ZMYND11: variants seen among roughly 807,000 people sequenced by gnomAD.
The protein encoded by ZMYND11 is zinc finger MYND-type containing 11.
ZMYND11 carries 9 observed loss-of-function variants against 84.9 expected under a neutral mutation model. The ratio of observed to expected loss-of-function variants is 0.11; its 90% confidence interval spans 0.06 to 0.18. ZMYND11 has a LOEUF of 0.18. Ranked by LOEUF, ZMYND11 falls within the 10% of genes least tolerant of loss-of-function variation. The pLI, the probability that ZMYND11 is intolerant of heterozygous loss-of-function variation, is 1.00. For missense variants in ZMYND11, 409 were observed against 761.0 expected (o/e 0.54, Z 5.44); for synonymous variants, 250 against 244.1 (o/e 1.02, Z -0.23).
intron 3 of ZMYND11, among the ~76,000 whole-genome samples, chr10:216,304 G>A (rs1946186518): frequency 6.6e-6 from 1 of 152,116 alleles, no homozygotes; most frequent in Admixed American, 6.6e-5. Flanking sequence ...TATATATATG[G>A]CATATTACAG....
intron 2 of ZMYND11, among the ~76,000 whole-genome samples, chr10:196,635 TAAG>T: frequency 6.6e-6 from 1 of 152,328 alleles, no homozygotes; most frequent in South Asian, 2.1e-4. Context: ...ACTAATATAC[TAAG>T]AAGCATTGTA....
At chr10:130,823 T>C (rs913632453), upstream of ZMYND11, among the ~76,000 whole-genome samples, 1 of 152,204 alleles carries the variant, frequency 6.6e-6, no homozygotes, top group Non-Finnish European at 1.5e-5. Flanking sequence ...CATCATGCTA[T>C]AGAAGAGAGT....
chr10:157,235 TGTCGCCCAGGCTGGAA>T (rs1841922051), intron 1 of ZMYND11, among the ~76,000 whole-genome samples: 2 of 152,240 alleles, frequency 1.3e-5, no homozygotes, highest in Admixed American at 1.3e-4. Flanking sequence ...AGTCTCGCTC[TGTCGCCCAGGCTGGAA>T]TGCAGTGGTG....
chr10:250,914 T>C (rs1953333855), intron 14 of ZMYND11, among the ~76,000 whole-genome samples: 1 of 152,066 alleles, frequency 6.6e-6, no homozygotes. Flanking sequence ...CCCCAGCTAC[T>C]TGAGAGGCTC....
intron 1 of ZMYND11, among the ~76,000 whole-genome samples, chr10:151,461 A>G (rs564312254): frequency 8.5e-5 from 13 of 152,364 alleles, no homozygotes; most frequent in African/African-American, 2.9e-4. Context: ...AAGAAAGGGT[A>G]TCAGTGATGG....
intron 1 of ZMYND11, among the ~76,000 whole-genome samples, chr10:151,013 G>A (rs978065892): frequency 1.1e-4 from 17 of 152,266 alleles, no homozygotes; most frequent in Non-Finnish European, 2.1e-4. Context: ...GGTCCTGACC[G>A]TTAGAAGGAA....
chr10:240,360 T>C (rs1950667017), intron 8 of ZMYND11, among the ~76,000 whole-genome samples: 1 of 151,926 alleles, frequency 6.6e-6, no homozygotes, highest in Non-Finnish European at 1.5e-5. Flanking sequence ...AAAAATTAGC[T>C]GGGTGTGGTG....
chr10:207,878 G>A (rs1243727644), intron 2 of ZMYND11, among the ~76,000 whole-genome samples: 9 of 152,264 alleles, frequency 5.9e-5, no homozygotes, highest in South Asian at 2.1e-4. Context: ...GAGGCATCAC[G>A]CTACCTGACT....
At chr10:231,193 T>A (rs1948968843) in intron 4 of ZMYND11, among the ~76,000 whole-genome samples, 1 of 152,216 alleles carries the variant, frequency 6.6e-6, no homozygotes, top group African/African-American at 2.4e-5. Context: ...TCGCAAAGCC[T>A]AAAATATTTG....
chr10:229,297 C>T (rs946703382), intron 4 of ZMYND11, among the ~76,000 whole-genome samples: 9 of 152,174 alleles, frequency 5.9e-5, no homozygotes, highest in Admixed American at 2.6e-4. Flanking sequence ...ACTGGAGTCT[C>T]ATTTGCCAGG....
At chr10:169,326 A>G (rs1844741204) in intron 1 of ZMYND11, among the ~76,000 whole-genome samples, 1 of 152,024 alleles carries the variant, frequency 6.6e-6, no homozygotes, top group African/African-American at 2.4e-5. Flanking sequence ...CACACCTTAC[A>G]CTATGTTATT....
At chr10:139,206 A>G (rs1327337105) in intron 1 of ZMYND11, among the ~76,000 whole-genome samples, 1 of 152,154 alleles carries the variant, frequency 6.6e-6, no homozygotes, top group African/African-American at 2.4e-5. Context: ...TATTTTAACC[A>G]TTGGTTTTAT....
Position 252,630 on chromosome 10 carries a change from T to G in ZMYND11, c.*160T>G. On this transcript the variant is annotated 3_prime_UTR_variant, in exon 15 of 15. Transcript: ENST00000381604. This position sits in a 1 kb window ranked among gnomAD's most constrained non-coding sequence, Gnocchi z 4.6. ...TTGCACAGTAGTTTAAATCTTTTGT[T>G]AATGCTCCTCCGAAGTTTTTCAGGG... 1 of 964,030 alleles carries G rather than the reference T, an allele frequency of 1.0e-6. No individual in the cohort carries two copies. Among genetic ancestry groups the G allele is most frequent in the Non-Finnish European group, 1.4e-6 (1 of 700,112 alleles). 59.7% of individuals were successfully genotyped at this position (964,030 alleles called of 1,614,324 possible). A position where few individuals can be genotyped will look rare whatever the true frequency, so the allele number is the denominator to read the frequency against.
intron 3 of ZMYND11, among the ~76,000 whole-genome samples, chr10:210,673 T>A (rs1194104612): frequency 6.6e-6 from 1 of 152,204 alleles, no homozygotes; most frequent in Non-Finnish European, 1.5e-5. Context: ...TATTTTAATC[T>A]GCTTCTCTTT....
At chr10:161,766 G>A (rs371560745) in intron 1 of ZMYND11, among the ~76,000 whole-genome samples, 22 of 152,218 alleles carry the variant, frequency 1.4e-4, no homozygotes, top group Admixed American at 4.6e-4. Context: ...TCATAGAACC[G>A]AAGAGAGTTA....
chr10:132,299 T>TTA (rs1299498621), upstream of ZMYND11, among the ~76,000 whole-genome samples: 12 of 148,642 alleles, frequency 8.1e-5, no homozygotes, highest in South Asian at 6.3e-4. Flanking sequence ...TATATATATT[T>TTA]TATATATATA....
At chr10:135,162 C>T (rs1457593045), upstream of ZMYND11, 1 of 150,012 alleles carries the variant, frequency 6.7e-6, no homozygotes, top group Admixed American at 6.6e-5. The surrounding 1 kb of genome is among the most constrained non-coding windows in gnomAD (Gnocchi z 5.6). Context: ...TCCCGCCGCC[C>T]GCTCCGGCCC....
chr10:209,772 C>A, intron 2 of ZMYND11, 117 bp from the exon 3 acceptor site: 3 of 972,990 alleles, frequency 3.1e-6, no homozygotes, highest in Non-Finnish European at 4.5e-6. Flanking sequence ...TTTATCTCAA[C>A]AGGACTCTCA....
chr10:165,597 A>G (rs1287340122), intron 1 of ZMYND11, among the ~76,000 whole-genome samples: 1 of 152,138 alleles, frequency 6.6e-6, no homozygotes, highest in African/African-American at 2.4e-5. Flanking sequence ...TTCTTATCTC[A>G]GTTGAAAACA....
Sources: gnomAD v4.1 joint callset for allele counts (sites outside exome capture counted in the v4.1 genomes callset) on GRCh38, gnomAD v4.1.1 for gene constraint, Gnocchi (gnomAD v3.1) non-coding constraint, MANE v1.5 for transcripts, NCBI Gene and HGNC (gene_info 2026-07-23, HGNC 2026-07-21) for gene names.